Variants in LARGE1 observed in about 807,000 individuals in gnomAD.
LARGE1 encodes the protein LARGE xylosyl- and glucuronyltransferase 1.
Under a neutral mutation model 87.6 loss-of-function variants are expected in LARGE1, and 43 were observed. That is an observed-to-expected ratio of 0.49 (90% CI 0.38 to 0.63). The LOEUF is 0.63. Ranked by LOEUF, LARGE1 falls within the 30% of genes least tolerant of loss-of-function variation. The pLI is 0.00. For missense variants in LARGE1, 802 were observed against 1,000.2 expected (o/e 0.80, Z 2.67); for synonymous variants, 434 against 394.6 (o/e 1.10, Z -1.18).
intron 1 of LARGE1, among the ~76,000 whole-genome samples, chr22:33,849,760 A>G (rs1000881155): frequency 8.6e-5 from 13 of 151,874 alleles, no homozygotes; most frequent in African/African-American, 2.9e-4. Context: ...CACCATGCCC[A>G]GCTAACTTTT....
intron 2 of LARGE1, among the ~76,000 whole-genome samples, chr22:33,673,208 G>A (rs895715103): frequency 6.6e-6 from 1 of 152,174 alleles, no homozygotes; most frequent in South Asian, 2.1e-4. Context: ...CTGAGAGACG[G>A]AGGTTGCAGG....
At chr22:33,728,969 T>A (rs1338189510) in intron 2 of LARGE1, among the ~76,000 whole-genome samples, 1 of 152,172 alleles carries the variant, frequency 6.6e-6, no homozygotes, top group Non-Finnish European at 1.5e-5. Flanking sequence ...CTCAAAGGTA[T>A]TAACTGTCAC....
chr22:33,430,802 T>C (rs540587731), intron 7 of LARGE1, among the ~76,000 whole-genome samples: 1 of 152,344 alleles, frequency 6.6e-6, no homozygotes, highest in Non-Finnish European at 1.5e-5. Context: ...GCTTGACTCA[T>C]GTCCCTTCTC....
intron 9 of LARGE1, among the ~76,000 whole-genome samples, chr22:33,375,161 T>C (rs2064950363): frequency 6.6e-6 from 1 of 152,236 alleles, no homozygotes; most frequent in Admixed American, 6.5e-5. Flanking sequence ...TAAAACACTG[T>C]TAGTTCTTCA....
the LARGE1 span, among the ~76,000 whole-genome samples, chr22:33,094,434 C>G: frequency 6.6e-6 from 1 of 152,168 alleles, no homozygotes; most frequent in African/African-American, 2.4e-5. Flanking sequence ...CCACTCTCGT[C>G]TCAGCTAAAC....
At chr22:33,441,013 C>CT (rs1196428436) in intron 6 of LARGE1, among the ~76,000 whole-genome samples, 1 of 147,370 alleles carries the variant, frequency 6.8e-6, no homozygotes, top group Non-Finnish European at 1.5e-5. Flanking sequence ...CTTGAAGTTC[C>CT]TTTTTTTGTT....
intron 6 of LARGE1, among the ~76,000 whole-genome samples, chr22:33,441,006 G>T (rs528777666): frequency 6.7e-6 from 1 of 149,534 alleles, no homozygotes; most frequent in South Asian, 2.1e-4. Flanking sequence ...ACTCTGGCTT[G>T]AAGTTCCTTT....
intron 11 of LARGE1, among the ~76,000 whole-genome samples, chr22:33,233,379 C>T (rs1007213693): frequency 2.4e-4 from 36 of 152,110 alleles, no homozygotes; most frequent in African/African-American, 8.5e-4. Context: ...CAAGCCTGTG[C>T]TAAGAACCTT....
At chr22:33,179,701 G>T (rs1281338953) in intron 11 of LARGE1, among the ~76,000 whole-genome samples, 1 of 152,230 alleles carries the variant, frequency 6.6e-6, no homozygotes, top group South Asian at 2.1e-4. Flanking sequence ...CCATTTATTT[G>T]CTGGGTTTCT....
At chr22:33,248,586 G>C (rs1926874666) in intron 11 of LARGE1, among the ~76,000 whole-genome samples, 1 of 152,156 alleles carries the variant, frequency 6.6e-6, no homozygotes, top group Non-Finnish European at 1.5e-5. Flanking sequence ...CACCCAAAGT[G>C]CATAGTTTAG....
intron 11 of LARGE1, among the ~76,000 whole-genome samples, chr22:33,218,859 T>C (rs893440220): frequency 2.6e-4 from 40 of 152,302 alleles, no homozygotes; most frequent in African/African-American, 9.6e-4. Flanking sequence ...GAACCTAACA[T>C]GACTATTCCC....
At chr22:33,864,389 T>C (rs1043332076) in intron 1 of LARGE1, among the ~76,000 whole-genome samples, 1 of 152,166 alleles carries the variant, frequency 6.6e-6, no homozygotes, top group South Asian at 2.1e-4. Context: ...ACTAAGTACA[T>C]ACATGATAAA....
intron 5 of LARGE1, among the ~76,000 whole-genome samples, chr22:33,586,261 G>C (rs775548615): frequency 6.6e-6 from 1 of 152,138 alleles, no homozygotes; most frequent in South Asian, 2.1e-4. Context: ...GTAGGCGCTC[G>C]CATGCACACA....
At chr22:33,102,707 T>G in the LARGE1 span, among the ~76,000 whole-genome samples, 7 of 151,510 alleles carry the variant, frequency 4.6e-5, no homozygotes, top group Non-Finnish European at 1.0e-4. Context: ...AGCAGGCTAG[T>G]CTTGAACTCC....
intron 3 of LARGE1, among the ~76,000 whole-genome samples, chr22:33,638,411 GA>G (rs1169824698): frequency 6.6e-6 from 1 of 152,170 alleles, no homozygotes; most frequent in Non-Finnish European, 1.5e-5. Context: ...TAAACTCACT[GA>G]GGAACGATTA....
chr22:33,880,141 G>C (rs115226627), intron 1 of LARGE1, among the ~76,000 whole-genome samples: 9 of 152,274 alleles, frequency 5.9e-5, no homozygotes, highest in African/African-American at 2.2e-4. Flanking sequence ...GTCCACCCAC[G>C]TTAACATGCT....
At chr22:33,200,666 T>C (rs1924336796) in intron 11 of LARGE1, among the ~76,000 whole-genome samples, 1 of 152,212 alleles carries the variant, frequency 6.6e-6, no homozygotes, top group South Asian at 2.1e-4. Context: ...ACAACCTGGA[T>C]GAAATTTGAA....
At chr22:33,833,280 T>C (rs2063024520) in intron 1 of LARGE1, among the ~76,000 whole-genome samples, 1 of 152,224 alleles carries the variant, frequency 6.6e-6, no homozygotes, top group Admixed American at 6.5e-5. Context: ...GTGCCTCCCC[T>C]AAAATGCATA....
intron 11 of LARGE1, among the ~76,000 whole-genome samples, chr22:33,178,844 T>C (rs976176990): frequency 3.3e-5 from 5 of 152,214 alleles, no homozygotes; most frequent in African/African-American, 1.2e-4. Flanking sequence ...TGATAAAATG[T>C]ATATGTATCC....
Sources: gnomAD v4.1 joint callset for allele counts (sites outside exome capture counted in the v4.1 genomes callset) on GRCh38, gnomAD v4.1.1 for gene constraint, MANE v1.5 for transcripts, NCBI Gene and HGNC (gene_info 2026-07-23, HGNC 2026-07-21) for gene names.